Variants in ADGRL3 observed in about 807,000 individuals in gnomAD.
ADGRL3 encodes adhesion G protein-coupled receptor L3, also known as calcium-independent alpha-latrotoxin receptor 3.
ADGRL3 carries 62 observed loss-of-function variants against 153.5 expected under a neutral mutation model. The ratio of observed to expected loss-of-function variants is 0.40; its 90% confidence interval spans 0.33 to 0.50. The LOEUF is 0.50. Among genes scored for constraint, ADGRL3 ranks in the 20% least tolerant of loss-of-function variants. ADGRL3 has a pLI of 0.47. For synonymous variants in ADGRL3, 710 were observed against 672.5 expected, an observed-to-expected ratio of 1.06 and a Z score of -0.86; for missense variants, 1,641 against 1,859.4, an observed-to-expected ratio of 0.88 and a Z score of 2.16.
chr4:61,287,196 T>C (rs1208671420), intron 1 of ADGRL3, among the ~76,000 whole-genome samples: 1 of 151,930 alleles, frequency 6.6e-6, no homozygotes, highest in Non-Finnish European at 1.5e-5. Flanking sequence ...AATCATATCA[T>C]AGAAGGATAC....
intron 19 of ADGRL3, among the ~76,000 whole-genome samples, chr4:61,995,745 C>T (rs976349382): frequency 2.6e-5 from 4 of 152,064 alleles, no homozygotes; most frequent in African/African-American, 9.7e-5. Flanking sequence ...TCATTTGCAA[C>T]CCCAGAAGTA....
chr4:61,268,761 G>A (rs1239122674), intron 1 of ADGRL3, among the ~76,000 whole-genome samples: 1 of 151,462 alleles, frequency 6.6e-6, no homozygotes, highest in Non-Finnish European at 1.5e-5. Flanking sequence ...TTGATTGATT[G>A]AGCAAGATAA....
At chr4:61,246,350 A>G (rs1276009198) in intron 1 of ADGRL3, among the ~76,000 whole-genome samples, 1 of 152,068 alleles carries the variant, frequency 6.6e-6, no homozygotes, top group Non-Finnish European at 1.5e-5. Flanking sequence ...AAGACTAGTT[A>G]TGAGCTAGAT....
chr4:61,396,764 C>T (rs191920085), intron 2 of ADGRL3, among the ~76,000 whole-genome samples: 2 of 151,826 alleles, frequency 1.3e-5, no homozygotes, highest in Admixed American at 1.3e-4. Flanking sequence ...TTTTTTCCAG[C>T]AAATGGATTC....
intron 9 of ADGRL3, among the ~76,000 whole-genome samples, chr4:61,872,769 T>C (rs1248128474): frequency 6.6e-6 from 1 of 152,136 alleles, no homozygotes; most frequent in Non-Finnish European, 1.5e-5. Context: ...TAGATTTTCA[T>C]GCCAAAATCA....
intron 1 of ADGRL3, among the ~76,000 whole-genome samples, chr4:61,238,485 G>A (rs1158012906): frequency 6.6e-6 from 1 of 151,562 alleles, no homozygotes; most frequent in Non-Finnish European, 1.5e-5. Context: ...GTATGCACGT[G>A]TGTATTTCTC....
Position 61,739,149 on chromosome 4 carries a change from A to G in ADGRL3, c.1399+5595A>G, listed in dbSNP as rs570358030. On this transcript the variant is annotated intron_variant, in intron 8 of 26. Coordinates refer to ENST00000683033, the MANE Select transcript of ADGRL3 (RefSeq NM_001387552.1). ...ATATATTTGCAAATAATTTCTTAAA[A>G]TTTTAAATAATATAGTTATATTTCA... Among the ~76,000 whole-genome samples the G allele has an allele frequency of 7.4e-4, 113 of 152,278 alleles. 1 individual carries two copies. Among genetic ancestry groups the G allele is most frequent in the African/African-American group, 2.5e-3 (103 of 41,552 alleles).
intron 5 of ADGRL3, among the ~76,000 whole-genome samples, chr4:61,631,046 C>A (rs1043539336): frequency 6.6e-6 from 1 of 152,116 alleles, no homozygotes; most frequent in Non-Finnish European, 1.5e-5. Context: ...CTATTATATT[C>A]CCATCTCCTG....
At chr4:61,791,093 A>G (rs1227863132) in intron 8 of ADGRL3, among the ~76,000 whole-genome samples, 1 of 152,102 alleles carries the variant, frequency 6.6e-6, no homozygotes, top group African/African-American at 2.4e-5. Flanking sequence ...TCATGTCCTC[A>G]TATTTCAAAA....
At chr4:61,592,073 CAAAA>C (rs34116654) in intron 5 of ADGRL3, among the ~76,000 whole-genome samples, 4 of 123,674 alleles carry the variant, frequency 3.2e-5, no homozygotes, top group African/African-American at 5.9e-5. Context: ...GAAACTGCTT[CAAAA>C]AAAAAAAAAA....
intron 3 of ADGRL3, 70 bp downstream of exon 3, chr4:61,497,418 G>A: frequency 1.1e-6 from 1 of 950,014 alleles, no homozygotes; most frequent in Non-Finnish European, 1.6e-6. Context: ...ACTTCCTTGG[G>A]ATCTTTTCTC....
intron 1 of ADGRL3, among the ~76,000 whole-genome samples, chr4:61,205,558 T>A (rs1258245380): frequency 6.6e-6 from 1 of 152,218 alleles, no homozygotes; most frequent in Non-Finnish European, 1.5e-5. Context: ...TAATTTATTA[T>A]TTGTTTGCCC....
intron 1 of ADGRL3, among the ~76,000 whole-genome samples, chr4:61,288,564 A>G (rs1021087738): frequency 6.6e-6 from 1 of 152,034 alleles, no homozygotes; most frequent in Non-Finnish European, 1.5e-5. Flanking sequence ...CACTCTATTT[A>G]TATATTATTA....
intron 21 of ADGRL3, among the ~76,000 whole-genome samples, chr4:62,010,368 T>C (rs978927358): frequency 2.6e-5 from 4 of 152,132 alleles, no homozygotes; most frequent in African/African-American, 9.7e-5. Flanking sequence ...CATGGAAGAT[T>C]CCAAGGGCTT....
At chr4:61,567,401 A>C (rs1198470342) in intron 4 of ADGRL3, among the ~76,000 whole-genome samples, 2 of 152,170 alleles carry the variant, frequency 1.3e-5, no homozygotes, top group Non-Finnish European at 2.9e-5. Context: ...GGGCCTTTGG[A>C]AGGTGATAAG....
intron 26 of ADGRL3, 60 bp downstream of exon 26, chr4:62,068,243 T>C (rs1744026487): frequency 2.0e-6 from 3 of 1,487,284 alleles, no homozygotes; most frequent in Non-Finnish European, 2.8e-6. Context: ...TCACTTTTAT[T>C]GCATCACATA....
At chr4:61,531,123 G>T (rs1290734986) in intron 4 of ADGRL3, among the ~76,000 whole-genome samples, 1 of 152,116 alleles carries the variant, frequency 6.6e-6, no homozygotes, top group East Asian at 1.9e-4. Flanking sequence ...CAAAAATATT[G>T]TGATGATTAT....
At chr4:61,712,260 G>A (rs1252225541) in intron 6 of ADGRL3, among the ~76,000 whole-genome samples, 1 of 152,074 alleles carries the variant, frequency 6.6e-6, no homozygotes, top group Admixed American at 6.6e-5. Context: ...AGGCACAGTA[G>A]TGTATGCCTG....
At chr4:61,823,249 G>A (rs1252260808) in intron 9 of ADGRL3, among the ~76,000 whole-genome samples, 2 of 152,102 alleles carry the variant, frequency 1.3e-5, no homozygotes, top group Non-Finnish European at 2.9e-5. Flanking sequence ...TGGTATAGCT[G>A]TGTTTTTTTG....
Sources: allele counts gnomAD v4.1 joint callset (sites outside exome capture counted in the v4.1 genomes callset), GRCh38; gene constraint gnomAD v4.1.1; transcripts MANE v1.5; gene names NCBI Gene and HGNC (gene_info 2026-07-23, HGNC 2026-07-21).